Variants in BCL2 observed in about 807,000 individuals in gnomAD.
The protein encoded by BCL2 is BCL2 apoptosis regulator, also known as apoptosis regulator Bcl-2.
In BCL2, 1 loss-of-function variant was observed where a neutral mutation model predicts 14.2. The ratio of observed to expected loss-of-function variants is 0.07; its 90% CI spans 0.02 to 0.33. The LOEUF is 0.33. Ranked by LOEUF, BCL2 falls within the 10% of genes least tolerant of loss-of-function variation. BCL2 has a pLI of 0.99. For missense variants in BCL2, 247 were observed against 305.9 expected, an observed-to-expected ratio of 0.81 and a Z score of 1.44; for synonymous variants, 151 against 137.2, an observed-to-expected ratio of 1.10 and a Z score of -0.70.
chr18:63,275,250 G>A (rs12454033), intron 2 of BCL2, among the ~76,000 whole-genome samples: 32 of 95,040 alleles, frequency 3.4e-4, no homozygotes, highest in Admixed American at 2.1e-3. Flanking sequence ...AAAAAAAAAG[G>A]GAAATAATTT....
intron 2 of BCL2, among the ~76,000 whole-genome samples, chr18:63,274,277 C>CTTTTTTTTTTTTTT (rs74169950): frequency 2.3e-5 from 2 of 86,754 alleles, no homozygotes; most frequent in Admixed American, 1.5e-4. Flanking sequence ...TAAAGATACT[C>CTTTTTTTTTTTTTT]TTTTTTTTTT....
rs1188512808 is a variant in BCL2, at chr18:63,128,700, C to T, written c.645G>A (p.Leu215=). Residue 215 remains leucine (L), a synonymous_variant, in exon 3 of 3, where the codon CTG becomes CTA. Coordinates refer to ENST00000333681, the MANE Select transcript of BCL2 (RefSeq NM_000633.3). ...SMRPLFDFSW[L]SLKTLLSLAL... Reference sequence around the variant, plus strand: ...CCAAACTGAGCAGAGTCTTCAGAGACAGCCAGGAGAAATCAAACAGAGGCC... The same window carrying T: ...CCAAACTGAGCAGAGTCTTCAGAGATAGCCAGGAGAAATCAAACAGAGGCC... 7 of 780,904 alleles carry T rather than the reference C, an allele frequency of 9.0e-6. No individual in the cohort carries two copies. In the East Asian group the frequency reaches 1.5e-4, roughly 16 times the overall value. The allele number at this position is 780,904 out of a possible 1,614,324, so 48.4% of individuals were successfully genotyped here. A position where few individuals can be genotyped will look rare whatever the true frequency, so the allele number is the denominator to read the frequency against.
intron 2 of BCL2, among the ~76,000 whole-genome samples, chr18:63,138,237 G>A (rs1914262614): frequency 6.6e-6 from 1 of 152,238 alleles, no homozygotes; most frequent in African/African-American, 2.4e-5. Flanking sequence ...CAGAGCACAC[G>A]CAAGGAAGTG....
intron 2 of BCL2, among the ~76,000 whole-genome samples, chr18:63,144,555 T>C (rs1599206234): frequency 6.6e-6 from 1 of 151,528 alleles, no homozygotes; most frequent in African/African-American, 2.4e-5. Flanking sequence ...GAGCAATAAA[T>C]ATGAGAGGCT....
chr18:63,217,923 C>T (rs1284800831), intron 2 of BCL2, among the ~76,000 whole-genome samples: 3 of 151,960 alleles, frequency 2.0e-5, no homozygotes, highest in African/African-American at 7.2e-5. Flanking sequence ...CCTTGTACTA[C>T]GAAGATGTGA....
chr18:63,130,893 T>C (rs1056840337), intron 2 of BCL2, among the ~76,000 whole-genome samples: 4 of 152,188 alleles, frequency 2.6e-5, no homozygotes, highest in Non-Finnish European at 4.4e-5. Context: ...TTCTCATGGA[T>C]TGCCCTCCAA....
chr18:63,288,724 T>G (rs906510625), intron 2 of BCL2, among the ~76,000 whole-genome samples: 6 of 152,222 alleles, frequency 3.9e-5, no homozygotes, highest in African/African-American at 1.4e-4. Context: ...AAACTCAAGT[T>G]GCAAACTACC....
chr18:63,143,368 C>T (rs542240987), intron 2 of BCL2, among the ~76,000 whole-genome samples: 20 of 152,348 alleles, frequency 1.3e-4, no homozygotes, highest in South Asian at 8.3e-4. Flanking sequence ...CCCAAGGACA[C>T]GCTCTCACAG....
At chr18:63,289,579 G>A (rs188212395) in intron 2 of BCL2, among the ~76,000 whole-genome samples, 26 of 152,216 alleles carry the variant, frequency 1.7e-4, no homozygotes, top group Non-Finnish European at 3.5e-4. Flanking sequence ...AAAGGAAAAT[G>A]AAGACTTACC....
intron 2 of BCL2, among the ~76,000 whole-genome samples, chr18:63,198,734 GAC>G (rs1193800245): frequency 2.3e-5 from 2 of 85,940 alleles, no homozygotes; most frequent in Non-Finnish European, 4.5e-5. Flanking sequence ...GACACACACA[GAC>G]ACAGGGACAC....
At chr18:63,254,584 C>A (rs1911415945) in intron 2 of BCL2, among the ~76,000 whole-genome samples, 2 of 151,750 alleles carry the variant, frequency 1.3e-5, no homozygotes, top group African/African-American at 4.8e-5. Context: ...CCTTCTTCTT[C>A]TGATGAGTGC....
At chr18:63,249,002 C>T (rs913757740) in intron 2 of BCL2, among the ~76,000 whole-genome samples, 4 of 152,188 alleles carry the variant, frequency 2.6e-5, no homozygotes, top group Non-Finnish European at 5.9e-5. Context: ...AAGAAATAAG[C>T]TTTAGAAATG....
chr18:63,145,088 C>G (rs1318417062), intron 2 of BCL2, among the ~76,000 whole-genome samples: 3 of 152,224 alleles, frequency 2.0e-5, no homozygotes, highest in African/African-American at 7.2e-5. Context: ...TACAGGGCTG[C>G]TTCACAGGGA....
intron 2 of BCL2, among the ~76,000 whole-genome samples, chr18:63,245,808 T>C (rs901090320): frequency 9.2e-5 from 14 of 152,222 alleles, no homozygotes; most frequent in African/African-American, 3.4e-4. Flanking sequence ...CACAAGTCTA[T>C]AATTATTGCA....
intron 2 of BCL2, among the ~76,000 whole-genome samples, chr18:63,277,025 T>C (rs956823535): frequency 8.5e-5 from 13 of 152,150 alleles, no homozygotes; most frequent in Non-Finnish European, 1.8e-4. Context: ...CTCCATCTCA[T>C]TTCCCGCCAC....
At chr18:63,205,524 C>A (rs1568233406) in intron 2 of BCL2, among the ~76,000 whole-genome samples, 1 of 152,198 alleles carries the variant, frequency 6.6e-6, no homozygotes, top group Non-Finnish European at 1.5e-5. Context: ...CCTCCACACA[C>A]CATCTTTCAG....
intron 2 of BCL2, among the ~76,000 whole-genome samples, chr18:63,278,888 T>C (rs1027554129): frequency 7.9e-5 from 12 of 152,024 alleles, no homozygotes; most frequent in Non-Finnish European, 1.6e-4. Context: ...GACCCACACA[T>C]ATACAGACAC....
chr18:63,311,026 C>CT lies in BCL2; in HGVS notation c.585+7055dup, dbSNP rs1324896870. 1.3e-3 allele frequency among the ~76,000 whole-genome samples: 182 copies of CT among 140,198 alleles called. 1 individual carries two copies. The highest frequency in any genetic ancestry group is 2.9e-3 in the African/African-American group (112 of 38,134). The allele number at this position is 140,198 out of a possible 152,430, so 92.0% of individuals were successfully genotyped here. ...AATGCTGCCATCCTTTATGGACTCG[C>CT]TTTTTTTTTTTCAAGAAGATAAATC... is the stretch of plus-strand genomic sequence containing the variant. On this transcript the variant is annotated intron_variant, in intron 2 of 2. Coordinates refer to ENST00000333681, the MANE Select transcript of BCL2 (RefSeq NM_000633.3).
At chr18:63,179,268 G>T (rs1311021893) in intron 2 of BCL2, among the ~76,000 whole-genome samples, 2 of 152,184 alleles carry the variant, frequency 1.3e-5, no homozygotes, top group African/African-American at 2.4e-5. Flanking sequence ...GGAGGGAAAA[G>T]AAAAGGTGTC....
Sources: gnomAD v4.1 joint callset for allele counts (sites outside exome capture counted in the v4.1 genomes callset) on GRCh38, gnomAD v4.1.1 for gene constraint, MANE v1.5 for transcripts, NCBI Gene and HGNC (gene_info 2026-07-23, HGNC 2026-07-21) for gene names.